Variants in EXOC2 observed in about 807,000 individuals in gnomAD.
The protein encoded by EXOC2 is exocyst complex component 2.
A neutral mutation model predicts 131.8 loss-of-function variants in EXOC2; 70 were observed. The ratio of observed to expected loss-of-function variants is 0.53; its 90% CI spans 0.44 to 0.65. EXOC2 has a LOEUF of 0.65. Ranked by LOEUF, EXOC2 falls within the 30% of genes least tolerant of loss-of-function variation. The probability of loss-of-function intolerance (pLI) is 0.00; values close to 1 mark genes in which losing one functional copy is unlikely to be tolerated. For synonymous variants in EXOC2, 411 were observed against 398.4 expected, an observed-to-expected ratio of 1.03 and a Z score of -0.38; for missense variants, 923 against 1,108.6, an observed-to-expected ratio of 0.83 and a Z score of 2.38.
chr6:640,504 A>G (rs996841501), intron 1 of EXOC2, among the ~76,000 whole-genome samples: 2 of 152,174 alleles, frequency 1.3e-5, no homozygotes, highest in African/African-American at 4.8e-5. Flanking sequence ...GCCAAATTTC[A>G]TATGTTAAAC....
Position 589,247 on chromosome 6 carries a change from G to A in EXOC2, c.1192+3222C>T, listed in dbSNP as rs115852746. ...GGTGTCTGGAACGCTTCTCAATGCC[G>A]ATCTAGAGAACTGACCGTCGAGCAC... On this transcript the variant is annotated intron_variant, in intron 11 of 27. Coordinates refer to ENST00000230449, the MANE Select transcript of EXOC2 (RefSeq NM_018303.6). Among the ~76,000 whole-genome samples the A allele has an allele frequency of 7.5e-3, 1,141 of 152,190 alleles. 13 individuals carry two copies. The highest frequency in any genetic ancestry group is 0.026 in the African/African-American group (1,067 of 41,510).
intron 1 of EXOC2, chr6:656,870 C>T (rs746115402): frequency 1.2e-6 from 2 of 1,606,810 alleles, no homozygotes; most frequent in Admixed American, 3.4e-5. Flanking sequence ...CCTTCGCTAG[C>T]CTCGCGACGG....
intron 25 of EXOC2, among the ~76,000 whole-genome samples, chr6:494,058 G>C (rs1301917733): frequency 6.6e-6 from 1 of 152,192 alleles, no homozygotes; most frequent in Non-Finnish European, 1.5e-5. Context: ...GTATTACACA[G>C]TTTATACTAC....
intron 22 of EXOC2, among the ~76,000 whole-genome samples, chr6:540,517 T>C (rs1766750299): frequency 1.3e-5 from 2 of 152,006 alleles, no homozygotes; most frequent in South Asian, 4.1e-4. Context: ...GAAACACAAC[T>C]GAAATAACAT....
rs1766279990 is a variant in EXOC2 at position 534,082 on chromosome 6, A to G, written c.2239-1472T>C. ...GCTAACAAATGAGTAGATTAACACA[A>G]GGAACTCCTGGTCACTGTTGAGACT... On this transcript the variant is annotated intron_variant, in intron 22 of 27. Coordinates refer to ENST00000230449, the MANE Select transcript of EXOC2 (RefSeq NM_018303.6). 1.3e-5 allele frequency among the ~76,000 whole-genome samples: 2 copies of G among 152,232 alleles called. 1 individual carries two copies. The highest frequency in any genetic ancestry group is 4.1e-4 in the South Asian group (2 of 4,834).
At chr6:686,893 A>G (rs1255454881) in intron 1 of EXOC2, among the ~76,000 whole-genome samples, 2 of 151,982 alleles carry the variant, frequency 1.3e-5, no homozygotes, top group Non-Finnish European at 1.5e-5. Context: ...ATCCACCCCC[A>G]ACAAATAAAT....
intron 25 of EXOC2, among the ~76,000 whole-genome samples, chr6:496,722 A>C (rs1447208407): frequency 6.6e-6 from 1 of 152,154 alleles, no homozygotes; most frequent in Non-Finnish European, 1.5e-5. Context: ...TTAAAAAAAA[A>C]ATTTTATTTT....
chr6:574,150 G>T (rs571167098), intron 12 of EXOC2, among the ~76,000 whole-genome samples: 2 of 152,026 alleles, frequency 1.3e-5, no homozygotes, highest in Admixed American at 1.3e-4. Flanking sequence ...GACTGTCTTC[G>T]GTCTTTTGCA....
At chr6:547,609 G>C (rs912513005) in intron 22 of EXOC2, among the ~76,000 whole-genome samples, 2 of 152,106 alleles carry the variant, frequency 1.3e-5, no homozygotes, top group African/African-American at 2.4e-5. Flanking sequence ...GACTTTACTT[G>C]GTTGGAATCA....
In EXOC2 at chr6:501,203, T is replaced by C. The variant is rs1223124066; in HGVS notation, c.2381-1503A>G. Among the ~76,000 whole-genome samples, 14 of 10,440 alleles carry C rather than the reference T, an allele frequency of 1.3e-3. 3 individuals are homozygous for C. The highest frequency in any genetic ancestry group is 5.1e-3 in the South Asian group (2 of 390). The allele number at this position is 10,440 out of a possible 152,430, so 6.8% of individuals were successfully genotyped here. ...ATATATTATATATATCTATATATAT[T>C]ATATATATATTATATATATCTATAT... is the stretch of plus-strand genomic sequence containing the variant. On this transcript the variant is annotated intron_variant, in intron 23 of 27. Transcript: ENST00000230449.
At chr6:524,400 C>G (rs1194473200) in intron 23 of EXOC2, 1 of 152,030 alleles carries the variant, frequency 6.6e-6, no homozygotes, top group Non-Finnish European at 1.5e-5. Flanking sequence ...AAATTTCAAA[C>G]ATTAAAAAAA....
intron 6 of EXOC2, among the ~76,000 whole-genome samples, chr6:616,430 C>T (rs1265659649): frequency 5.9e-5 from 9 of 151,670 alleles, no homozygotes; most frequent in African/African-American, 1.5e-4. Flanking sequence ...GGTGAAACCC[C>T]GTCTCTACTA....
intron 22 of EXOC2, among the ~76,000 whole-genome samples, chr6:542,497 T>C (rs182410364): frequency 4.5e-4 from 69 of 152,186 alleles, no homozygotes; most frequent in African/African-American, 1.4e-3. Context: ...CAAGTGGGCT[T>C]TGGTGGACGA....
intron 22 of EXOC2, among the ~76,000 whole-genome samples, chr6:539,595 C>T (rs1053709007): frequency 6.6e-6 from 1 of 152,234 alleles, no homozygotes; most frequent in African/African-American, 2.4e-5. Flanking sequence ...TCAACACAGT[C>T]ACAATGGTTT....
At chr6:486,795 C>A in intron 27 of EXOC2, 31 bp from the exon 28 acceptor site, 1 of 1,579,002 alleles carries the variant, frequency 6.3e-7, no homozygotes, top group Non-Finnish European at 8.7e-7. Flanking sequence ...TTTTACAGCC[C>A]GACAGATGGG....
intron 13 of EXOC2, among the ~76,000 whole-genome samples, chr6:566,648 C>T (rs191561682): frequency 5.3e-4 from 81 of 152,264 alleles, no homozygotes; most frequent in Non-Finnish European, 1.0e-3. Context: ...TGACAAATAG[C>T]TCTTTTCTAC....
intron 12 of EXOC2, among the ~76,000 whole-genome samples, chr6:573,223 T>A (rs1758385243): frequency 6.6e-6 from 1 of 152,244 alleles, no homozygotes; most frequent in Admixed American, 6.5e-5. Flanking sequence ...CCTCTTTGGC[T>A]ATACATCATT....
chr6:655,981 G>A, intron 1 of EXOC2: 1 of 685,172 alleles, frequency 1.5e-6, no homozygotes, highest in Non-Finnish European at 2.5e-6. Context: ...AAGGAGGAAG[G>A]GCTCAACAAA....
chr6:682,813 T>C (rs998347268), intron 1 of EXOC2, among the ~76,000 whole-genome samples: 8 of 152,186 alleles, frequency 5.3e-5, no homozygotes, highest in Non-Finnish European at 8.8e-5. Flanking sequence ...ATGGTGATGG[T>C]TGTACAACTT....
Sources: allele counts gnomAD v4.1 joint callset (sites outside exome capture counted in the v4.1 genomes callset), GRCh38; gene constraint gnomAD v4.1.1; transcripts MANE v1.5; gene names NCBI Gene and HGNC (gene_info 2026-07-23, HGNC 2026-07-21).